PKHD1: variants seen among roughly 807,000 people sequenced by gnomAD.
PKHD1 encodes the protein PKHD1 ciliary IPT domain containing fibrocystin/polyductin.
In PKHD1, 291 loss-of-function variants were observed where a neutral mutation model predicts 412.0. That is an observed-to-expected ratio of 0.71 (90% CI 0.64 to 0.78). PKHD1 has a LOEUF of 0.78. PKHD1 is among the 30% of genes least tolerant of loss of function. The pLI is 0.00. For synonymous variants in PKHD1, 1,777 were observed against 1,821.5 expected (o/e 0.98, Z 0.62); for missense variants, 4,825 against 4,950.7 (o/e 0.97, Z 0.76).
intron 43 of PKHD1, among the ~76,000 whole-genome samples, chr6:51,890,675 T>C (rs555779117): frequency 2.0e-5 from 3 of 152,220 alleles, no homozygotes; most frequent in African/African-American, 4.8e-5. Context: ...ATCCAGAGAA[T>C]GTAAAATCCT....
chr6:51,773,887 A>T (rs887238763), intron 54 of PKHD1, among the ~76,000 whole-genome samples: 5 of 151,842 alleles, frequency 3.3e-5, no homozygotes, highest in African/African-American at 7.2e-5. Context: ...ATGTCAGAAG[A>T]TAAGAAAACT....
At position 52,025,695 on chromosome 6, in the gene PKHD1, T is replaced by C. The variant is rs933512564; in HGVS notation, c.4115A>G (p.Gln1372Arg). The C allele has an allele frequency of 5.0e-6, 8 of 1,614,248 alleles. No individual in the cohort carries two copies. Among genetic ancestry groups the C allele is most frequent in the Non-Finnish European group, 6.8e-6 (8 of 1,180,040 alleles). ...GIYPLQVRQK[Q>R]MGFANMSVVL... ...CACAGACATATTAGCAAATCCCATC[T>C]GCTTCTGACGTACTTGGAGAGGATA... Residue 1372 changes from glutamine to arginine, a missense_variant, in exon 32 of 67, where the codon CAG becomes CGG. Gln to Arg is a conservative substitution (Grantham distance 43). Transcript: ENST00000371117.
At chr6:51,816,094 A>G (rs1765414932) in intron 52 of PKHD1, among the ~76,000 whole-genome samples, 1 of 152,182 alleles carries the variant, frequency 6.6e-6, no homozygotes, top group South Asian at 2.1e-4. Context: ...TATATTCCCA[A>G]TATGATTTAC....
rs1376315113 is a variant in PKHD1, at chr6:51,909,331, C to T, written c.6634G>A (p.Ala2212Thr). 14 of 1,613,400 alleles carry T rather than the reference C, an allele frequency of 8.7e-6. No homozygotes were observed. Among genetic ancestry groups the T allele is most frequent in the Admixed American group, 5.0e-5 (3 of 59,906 alleles). ...AGTGAGCTCAGATGCTTATGGAAGG[C>T]TTGCCCCAAGACTTGAAACTGCACT... ...KGVQFQVLGQ[A>T]FHKHLSSLTL... Residue 2212 changes from alanine (A) to threonine (T), a missense_variant, in exon 40 of 67, where the codon GCC (alanine) becomes ACC (threonine). Ala to Thr is a moderately conservative substitution (Grantham distance 58). Transcript: ENST00000371117.
chr6:51,889,663 C>G (rs1778804933), intron 43 of PKHD1, among the ~76,000 whole-genome samples: 1 of 152,124 alleles, frequency 6.6e-6, no homozygotes. Context: ...GGACAGTATT[C>G]TTTACTCTTG....
chr6:51,717,356 G>A (rs953527642), intron 60 of PKHD1, among the ~76,000 whole-genome samples: 1 of 151,560 alleles, frequency 6.6e-6, no homozygotes. Context: ...AGATTGCAGT[G>A]AGCTGAGATC....
intron 37 of PKHD1, among the ~76,000 whole-genome samples, chr6:51,929,736 C>A (rs1786282187): frequency 6.6e-6 from 1 of 152,160 alleles, no homozygotes; most frequent in Non-Finnish European, 1.5e-5. Flanking sequence ...TTATTTAGAC[C>A]ACTGCTTTTA....
intron 52 of PKHD1, among the ~76,000 whole-genome samples, chr6:51,810,319 A>ATC (rs1764506052): frequency 6.6e-6 from 1 of 152,124 alleles, no homozygotes; most frequent in Non-Finnish European, 1.5e-5. Context: ...GATACAAATA[A>ATC]TCTATGCCAC....
At chr6:51,819,452 C>A (rs10948653) in intron 52 of PKHD1, among the ~76,000 whole-genome samples, 54,190 of 151,932 alleles carry the variant, frequency 0.36, 10,137 homozygotes, top group Middle Eastern at 0.48. Context: ...TTGCTTTTAG[C>A]CTTCAAATAT....
intron 55 of PKHD1, among the ~76,000 whole-genome samples, chr6:51,760,430 T>C (rs998627192): frequency 6.6e-6 from 1 of 152,230 alleles, no homozygotes. Flanking sequence ...TTTCTTAAAA[T>C]TACAAATCAT....
chr6:51,650,834 T>C (rs1293408730), intron 61 of PKHD1, among the ~76,000 whole-genome samples: 1 of 152,170 alleles, frequency 6.6e-6, no homozygotes, highest in Admixed American at 6.6e-5. Flanking sequence ...TTTCTTAGTT[T>C]GTTTAGCCTG....
chr6:52,055,557 T>C (rs1807580300), intron 19 of PKHD1, 30 bp downstream of exon 19: 3 of 1,613,322 alleles, frequency 1.9e-6, no homozygotes, highest in Non-Finnish European at 2.5e-6. Flanking sequence ...CCTACCCACC[T>C]GACCCAGAAG....
rs73440966 is a variant in PKHD1, at chr6:51,662,571, A to T, written c.10157-2602T>A. ...GATCACAGAAAAGTCAAAGAAAGGA[A>T]ATAATCAATATGATTGCAGAAATCA... On this transcript the variant is annotated intron_variant, in intron 60 of 66. Coordinates refer to ENST00000371117, the MANE Select transcript of PKHD1 (RefSeq NM_138694.4). Among the ~76,000 whole-genome samples the T allele has an allele frequency of 4.8e-3, 726 of 152,094 alleles. 4 individuals carry two copies. The highest frequency in any genetic ancestry group is 0.017 in the African/African-American group (696 of 41,580).
Position 52,086,772 on chromosome 6 carries a change from C to T in PKHD1, c.-85+662G>A, listed in dbSNP as rs185343194. On this transcript the variant is annotated intron_variant, in intron 1 of 66. Transcript: ENST00000371117. ...TTTCAAGTGGATTCAGCAAGTGTTC[C>T]TTTTCGTTGCAAAATTCCCAAACTT... Among the ~76,000 whole-genome samples, 20 of 152,304 alleles carry T rather than the reference C, an allele frequency of 1.3e-4. No homozygotes were observed. In the East Asian group the frequency reaches 3.3e-3, roughly 25 times the overall value.
rs1231028945 is a variant in PKHD1 at position 52,083,261 on chromosome 6, A to C, written c.53-6T>G. ...ATGTAAACTCAGGTGACGTACTGTA[A>C]GTAAGTGAAAAAAAACATTGGTTTT... On this transcript the variant is annotated splice_polypyrimidine_tract_variant and splice_region_variant and intron_variant, in intron 2 of 66. Coordinates refer to ENST00000371117, the MANE Select transcript of PKHD1 (RefSeq NM_138694.4). 6.3e-7 allele frequency: 1 copy of C among 1,585,976 alleles called. No homozygotes were observed. Among genetic ancestry groups the C allele is most frequent in the Non-Finnish European group, 8.7e-7 (1 of 1,154,446 alleles).
At chr6:51,677,861 TTTAAATTCAAAAAAAA>T (rs887319528) in intron 60 of PKHD1, among the ~76,000 whole-genome samples, 1 of 152,144 alleles carries the variant, frequency 6.6e-6, no homozygotes, top group African/African-American at 2.4e-5. Context: ...TTTTTACTTT[TTTAAATTCAAAAAAAA>T]ATCCTTACTT....
intron 50 of PKHD1, among the ~76,000 whole-genome samples, chr6:51,840,822 C>T (rs1770055459): frequency 2.0e-5 from 3 of 152,130 alleles, no homozygotes; most frequent in Admixed American, 2.0e-4. Context: ...ATACCAAACC[C>T]TTACAGACCA....
intron 1 of PKHD1, 95 bp from the exon 2 acceptor site, chr6:52,085,112 T>C (rs1562311403): frequency 1.7e-6 from 1 of 602,768 alleles, no homozygotes; most frequent in East Asian, 3.0e-5. Context: ...GGAGATGAGA[T>C]AAACATGGCC....
chr6:51,974,247 G>GA lies in PKHD1; in HGVS notation c.5752-14222dup, dbSNP rs1019845168. On this transcript the variant is annotated intron_variant, in intron 35 of 66. Coordinates refer to ENST00000371117, the MANE Select transcript of PKHD1 (RefSeq NM_138694.4). ...TTGTTTTAGAAAATTGAGAAAGAAA[G>GA]AAAAAAAAACATTTTTTAATCAATC... is the stretch of plus-strand genomic sequence containing the variant. 2.9e-3 allele frequency among the ~76,000 whole-genome samples: 441 copies of GA among 149,980 alleles called. 2 individuals are homozygous for GA. Among genetic ancestry groups the GA allele is most frequent in the African/African-American group, 0.01 (416 of 40,868 alleles).
Sources: gnomAD v4.1 joint callset for allele counts (sites outside exome capture counted in the v4.1 genomes callset) on GRCh38, gnomAD v4.1.1 for gene constraint, MANE v1.5 for transcripts, NCBI Gene and HGNC (gene_info 2026-07-23, HGNC 2026-07-21) for gene names.